The following TAB2 variants were observed in gnomAD, a reference collection of about 807,000 sequenced individuals.
TAB2 encodes the protein TGF-beta-activated kinase 1 and MAP3K7-binding protein 2.
TAB2 carries 3 observed loss-of-function variants against 65.0 expected under a neutral mutation model. The ratio of observed to expected loss-of-function variants is 0.05; its 90% confidence interval spans 0.02 to 0.12. The LOEUF (loss-of-function observed/expected upper bound fraction) is 0.12. Ranked by LOEUF, TAB2 falls within the 10% of genes least tolerant of loss-of-function variation. The probability of loss-of-function intolerance (pLI) is 1.00; values close to 1 mark genes in which losing one functional copy is unlikely to be tolerated. For synonymous variants in TAB2, 298 were observed against 285.1 expected (o/e 1.05, Z -0.46); for missense variants, 623 against 840.3 (o/e 0.74, Z 3.20).
rs141964640 is a variant in TAB2 at position 149,231,615 on chromosome 6, A to G, written c.-121+12839A>G. ...AAGCACTTAATCACTGCATATGTAC[A>G]TATGTAGATGAGTCTAATTTCTCTT... On this transcript the variant is annotated intron_variant, in intron 1 of 1. Transcript: ENST00000606202. Among the ~76,000 whole-genome samples, 165 of 152,382 alleles carry G rather than the reference A, an allele frequency of 1.1e-3. 1 individual carries two copies. The Middle Eastern group carries it at 0.02, about 19-fold the overall frequency.
chr6:149,303,413 G>C (rs982054650), intron 1 of TAB2, among the ~76,000 whole-genome samples: 1 of 152,094 alleles, frequency 6.6e-6, no homozygotes, highest in Non-Finnish European at 1.5e-5. Flanking sequence ...CAGAGAAGCT[G>C]AAATAACACA....
intron 3 of TAB2, among the ~76,000 whole-genome samples, chr6:149,382,959 C>G (rs1352051225): frequency 6.6e-6 from 1 of 152,124 alleles, no homozygotes; most frequent in African/African-American, 2.4e-5. Context: ...CAAGACCATG[C>G]TGGCCAACAT....
intron 2 of TAB2, among the ~76,000 whole-genome samples, chr6:149,375,145 C>T (rs57240808): frequency 0.022 from 3,355 of 152,106 alleles, 119 homozygotes; most frequent in African/African-American, 0.078. Context: ...CAAATCAAAA[C>T]GAGATAATGT....
chr6:149,384,442 C>T (rs7761612), intron 3 of TAB2, among the ~76,000 whole-genome samples: 7,575 of 152,126 alleles, frequency 0.05, 651 homozygotes, highest in African/African-American at 0.17. Flanking sequence ...TCTGTCAGCA[C>T]CACCATCCTT....
chr6:149,317,376 G>C (rs1443686790), upstream of TAB2, among the ~76,000 whole-genome samples: 1 of 151,342 alleles, frequency 6.6e-6, no homozygotes, highest in Non-Finnish European at 1.5e-5. This position sits in a 1 kb window ranked among gnomAD's most constrained non-coding sequence, Gnocchi z 4.7. Flanking sequence ...GTCGGGGGAG[G>C]GGTACAGGTC....
chr6:149,371,432 CT>C (rs554786108), intron 2 of TAB2, among the ~76,000 whole-genome samples: 22 of 152,248 alleles, frequency 1.4e-4, no homozygotes, highest in African/African-American at 5.3e-4. Flanking sequence ...TTGTCCAGTC[CT>C]TCCTGTTCAT....
rs1364361747 is a variant in TAB2, at chr6:149,390,593, A to G, written c.1604-7011A>G. Among the ~76,000 whole-genome samples the G allele has an allele frequency of 2.0e-5, 3 of 152,180 alleles. No individual in the cohort carries two copies. In the East Asian group the frequency reaches 5.8e-4, roughly 29 times the overall value. Reference sequence around the variant, plus strand: ...ATTGAGTAACGAAGAAATTTTCTCCATTGTTCGTGAGCTAACAAAAGTTGG... The same window carrying G: ...ATTGAGTAACGAAGAAATTTTCTCCGTTGTTCGTGAGCTAACAAAAGTTGG... On this transcript the variant is annotated intron_variant, in intron 3 of 6. Transcript: ENST00000637181.
intron 1 of TAB2, among the ~76,000 whole-genome samples, chr6:149,352,870 A>G (rs145316798): frequency 6.6e-6 from 1 of 152,340 alleles, no homozygotes; most frequent in African/African-American, 2.4e-5. Flanking sequence ...AGACCAAACT[A>G]AAAAATGCTG....
intron 1 of TAB2, among the ~76,000 whole-genome samples, chr6:149,358,638 C>CTGTGTG (rs1246116686): frequency 1.6e-4 from 2 of 12,332 alleles, no homozygotes; most frequent in Non-Finnish European, 5.1e-4. Context: ...CTCTTCAGAA[C>CTGTGTG]TCTGTGTGTG....
intron 1 of TAB2, chr6:149,244,888 A>G (rs1017557385): frequency 1.3e-5 from 2 of 152,190 alleles, no homozygotes; most frequent in African/African-American, 2.4e-5. Context: ...ATCTCAAAAA[A>G]AAAAAAACAA....
rs549252201 is a variant in TAB2 at position 149,341,768 on chromosome 6, C to T, written c.-90+23753C>T. Among the ~76,000 whole-genome samples, 11 of 152,116 alleles carry T rather than the reference C, an allele frequency of 7.2e-5. No individual in the cohort carries two copies. In the East Asian group the frequency reaches 1.5e-3, roughly 21 times the overall value. ...AATGCAGGGAATTCAGTTTTTGGAT[C>T]TTCGTCTTCACTACTTTTTTTTGTC... On this transcript the variant is annotated intron_variant, in intron 1 of 6. Coordinates refer to ENST00000637181, the MANE Select transcript of TAB2 (RefSeq NM_001292034.3).
At chr6:149,319,042 A>G (rs1779352014) in intron 1 of TAB2, among the ~76,000 whole-genome samples, 1 of 152,226 alleles carries the variant, frequency 6.6e-6, no homozygotes, top group Admixed American at 6.5e-5. Context: ...GATCGTATTC[A>G]GAGCAACTGT....
intron 1 of TAB2, chr6:149,321,028 T>G (rs1026800016): frequency 6.6e-6 from 1 of 152,210 alleles, no homozygotes; most frequent in Non-Finnish European, 1.5e-5. Flanking sequence ...AGACAGAGGA[T>G]AAGATGCTAG....
intron 1 of TAB2, among the ~76,000 whole-genome samples, chr6:149,270,824 G>T (rs1340779173): frequency 6.6e-5 from 10 of 152,046 alleles, no homozygotes. Context: ...CTCTTTTTTG[G>T]ATCTAGAGGA....
chr6:149,333,326 T>C (rs1779836477), intron 1 of TAB2, among the ~76,000 whole-genome samples: 1 of 152,192 alleles, frequency 6.6e-6, no homozygotes, highest in Non-Finnish European at 1.5e-5. Flanking sequence ...GCCTCTTTTT[T>C]CTCTTTTCCC....
At chr6:149,305,678 A>G (rs1470219005) in intron 1 of TAB2, among the ~76,000 whole-genome samples, 1 of 152,194 alleles carries the variant, frequency 6.6e-6, no homozygotes, top group African/African-American at 2.4e-5. Flanking sequence ...AGTTATTCAT[A>G]AATCTGAGGT....
chr6:149,307,576 G>A lies in TAB2; in HGVS notation c.-120-70442G>A, dbSNP rs979162370. ...GAAATGAGGTCAGTACTCTGTGATT[G>A]TCATTTTGTTCCAAATTCTTGAAAT... On this transcript the variant is annotated intron_variant, in intron 1 of 1. Coordinates refer to the TAB2 transcript ENST00000606202. Among the ~76,000 whole-genome samples, 7 of 152,138 alleles carry A rather than the reference G, an allele frequency of 4.6e-5. No homozygotes were observed. The East Asian group carries it at 1.4e-3, about 29-fold the overall frequency.
intron 1 of TAB2, among the ~76,000 whole-genome samples, chr6:149,222,756 T>C (rs1274918868): frequency 6.6e-6 from 1 of 152,118 alleles, no homozygotes; most frequent in Non-Finnish European, 1.5e-5. Context: ...ATTCAAAGTG[T>C]GACCTACACT....
At chr6:149,262,462 G>A (rs994173206) in intron 1 of TAB2, among the ~76,000 whole-genome samples, 27 of 152,212 alleles carry the variant, frequency 1.8e-4, no homozygotes, top group African/African-American at 6.5e-4. Context: ...GAACCCAGGA[G>A]GCGGAGGTTG....
Sources: allele counts gnomAD v4.1 joint callset (sites outside exome capture counted in the v4.1 genomes callset), GRCh38; gene constraint gnomAD v4.1.1; non-coding constraint Gnocchi (gnomAD v3.1); transcripts MANE v1.5; gene names NCBI Gene and HGNC (gene_info 2026-07-23, HGNC 2026-07-21).